The following TVP23B variants were observed in gnomAD, a reference collection of about 807,000 sequenced individuals.
TVP23B encodes the protein trans-golgi network vesicle protein 23 homolog B.
Under a neutral mutation model 30.6 loss-of-function variants are expected in TVP23B, and 10 were observed. That is an observed-to-expected ratio of 0.33 (90% CI 0.20 to 0.55). The LOEUF (loss-of-function observed/expected upper bound fraction) is 0.55, where lower values mean the gene tolerates loss of function less well. TVP23B is among the 20% of genes least tolerant of loss of function. The pLI is 0.91. For synonymous variants in TVP23B, 67 were observed against 83.1 expected (o/e 0.81, Z 1.06); for missense variants, 153 against 243.2 (o/e 0.63, Z 2.47).
intron 1 of TVP23B, among the ~76,000 whole-genome samples, chr17:18,786,015 T>C (rs2035900096): frequency 6.6e-6 from 1 of 152,120 alleles, no homozygotes; most frequent in African/African-American, 2.4e-5. Flanking sequence ...TTTCCTTGCC[T>C]GATGCAGCTT....
chr17:18,786,023 C>T (rs2035900242), intron 1 of TVP23B, among the ~76,000 whole-genome samples: 1 of 152,126 alleles, frequency 6.6e-6, no homozygotes, highest in Admixed American at 6.5e-5. Context: ...CCTGATGCAG[C>T]TTCTAAACAC....
In TVP23B at chr17:18,789,263, C is replaced by CT. The variant is rs1323389760; in HGVS notation, c.13-89dup. ...TGCTGTAACCACATTATTTTATCTT[C>CT]TATTTTGATGAGTATGCAGCTTTGC... On this transcript the variant is annotated intron_variant, in intron 1 of 6. Transcript: ENST00000307767. The CT allele has an allele frequency of 2.0e-6, 3 of 1,524,492 alleles. No individual in the cohort carries two copies. In the Admixed American group the frequency reaches 5.6e-5, roughly 28 times the overall value. The allele number at this position is 1,524,492 out of a possible 1,614,324, so 94.4% of individuals were successfully genotyped here.
At chr17:18,798,405 GT>G (rs59117639) in intron 4 of TVP23B, among the ~76,000 whole-genome samples, 71 of 144,582 alleles carry the variant, frequency 4.9e-4, no homozygotes, top group African/African-American at 1.1e-3. Flanking sequence ...CCTTGATTCC[GT>G]TTTTTTTTTT....
intron 3 of TVP23B, among the ~76,000 whole-genome samples, chr17:18,794,131 C>G (rs183737633): frequency 2.0e-5 from 3 of 152,008 alleles, no homozygotes; most frequent in Non-Finnish European, 4.4e-5. Context: ...GTTTAACAAA[C>G]TACTATCTTT....
chr17:18,797,903 A>G (rs1163162214), intron 4 of TVP23B, among the ~76,000 whole-genome samples: 3 of 152,152 alleles, frequency 2.0e-5, no homozygotes, highest in African/African-American at 7.2e-5. Context: ...GTCTGAGTTC[A>G]TACAGTGTGC....
chr17:18,800,047 C>T (rs577747379), intron 5 of TVP23B, among the ~76,000 whole-genome samples: 218 of 152,062 alleles, frequency 1.4e-3, no homozygotes, highest in African/African-American at 5.1e-3. Flanking sequence ...TATGGAGTTC[C>T]TGCTCTGGAA....
chr17:18,799,751 T>C (rs919941936), intron 5 of TVP23B, among the ~76,000 whole-genome samples: 1 of 152,166 alleles, frequency 6.6e-6, no homozygotes, highest in Non-Finnish European at 1.5e-5. Context: ...ATATCTGATA[T>C]GAATAAATAT....
chr17:18,781,347 G>T, intron 1 of TVP23B, 42 bp downstream of exon 1: 3 of 1,565,464 alleles, frequency 1.9e-6, no homozygotes, highest in Non-Finnish European at 1.7e-6. Context: ...CGGCTCCTGG[G>T]ACTGGCTCTG....
At chr17:18,790,364 T>C (rs1305378093) in intron 2 of TVP23B, among the ~76,000 whole-genome samples, 2 of 148,828 alleles carry the variant, frequency 1.3e-5, no homozygotes, top group Non-Finnish European at 3.0e-5. Context: ...CTTGGGAGGC[T>C]GAGGCAGGAC....
chr17:18,799,816 A>G (rs2036130216), intron 5 of TVP23B, among the ~76,000 whole-genome samples: 2 of 151,762 alleles, frequency 1.3e-5, no homozygotes, highest in African/African-American at 4.8e-5. Context: ...GGCCTTAATT[A>G]TGTTTTTCCT....
chr17:18,788,791 A>G (rs567605653), intron 1 of TVP23B, among the ~76,000 whole-genome samples: 36 of 152,218 alleles, frequency 2.4e-4, no homozygotes, highest in Non-Finnish European at 3.5e-4. Flanking sequence ...AACAACAACA[A>G]AAAAGAAAGA....
intron 3 of TVP23B, among the ~76,000 whole-genome samples, chr17:18,793,843 G>T (rs978753154): frequency 6.6e-6 from 1 of 151,964 alleles, no homozygotes; most frequent in African/African-American, 2.4e-5. Flanking sequence ...TACTAAGATT[G>T]GTCAGAAATC....
chr17:18,801,014 TAG>T (rs1483397553), intron 5 of TVP23B, among the ~76,000 whole-genome samples: 1 of 152,236 alleles, frequency 6.6e-6, no homozygotes, highest in Non-Finnish European at 1.5e-5. Flanking sequence ...TAGTGGAAGG[TAG>T]ACAAACAGTA....
At chr17:18,801,774 G>A (rs1224137923) in intron 5 of TVP23B, among the ~76,000 whole-genome samples, 3 of 152,100 alleles carry the variant, frequency 2.0e-5, no homozygotes, top group Non-Finnish European at 1.5e-5. Flanking sequence ...TTATGTGAAA[G>A]CCAGTTTGAT....
At chr17:18,789,265 A>T in intron 1 of TVP23B, 88 bp from the exon 2 acceptor site, 2 of 1,537,038 alleles carry the variant, frequency 1.3e-6, no homozygotes, top group Non-Finnish European at 1.8e-6. Flanking sequence ...TTTATCTTCT[A>T]TTTTGATGAG....
rs765500573 is a variant in TVP23B, at chr17:18,805,600, G to A, written c.*33G>A. The A allele has an allele frequency of 6.2e-7, 1 of 1,601,696 alleles. No homozygotes were observed. The highest frequency in any genetic ancestry group is 1.1e-5 in the South Asian group (1 of 88,482). ...AAGCTTATGTGCTTTGTTACATTGG[G>A]GAACAACTGAAGAGATTCTTGACTC... On this transcript the variant is annotated 3_prime_UTR_variant, in exon 7 of 7. Coordinates refer to ENST00000307767, the MANE Select transcript of TVP23B (RefSeq NM_016078.6).
chr17:18,789,921 AT>A (rs1261752940), intron 2 of TVP23B, among the ~76,000 whole-genome samples: 5 of 152,172 alleles, frequency 3.3e-5, no homozygotes, highest in Admixed American at 2.6e-4. Flanking sequence ...TTTCATTTAT[AT>A]GAAATGTCCA....
intron 2 of TVP23B, 123 bp downstream of exon 2, chr17:18,789,558 C>G (rs751918143): frequency 2.4e-4 from 311 of 1,292,810 alleles, no homozygotes; most frequent in Non-Finnish European, 3.2e-4. Context: ...CTGCATGTTG[C>G]TAATTTGACG....
chr17:18,800,930 G>C (rs1004001343), intron 5 of TVP23B, among the ~76,000 whole-genome samples: 1 of 152,104 alleles, frequency 6.6e-6, no homozygotes, highest in East Asian at 1.9e-4. Context: ...TCTTATGTCA[G>C]AGCTGTCTGG....
Sources: gnomAD v4.1 joint callset for allele counts (sites outside exome capture counted in the v4.1 genomes callset) on GRCh38, gnomAD v4.1.1 for gene constraint, MANE v1.5 for transcripts, NCBI Gene and HGNC (gene_info 2026-07-23, HGNC 2026-07-21) for gene names.